The following TENM3 variants were observed in gnomAD, a reference collection of about 807,000 sequenced individuals.
TENM3 encodes teneurin-3.
Under a neutral mutation model 255.1 loss-of-function variants are expected in TENM3, and 63 were observed. The observed-to-expected ratio is 0.25, with a 90% CI of 0.20 to 0.30. TENM3 has a LOEUF of 0.30. Among genes scored for constraint, TENM3 ranks in the 10% least tolerant of loss-of-function variants. The probability of loss-of-function intolerance (pLI) is 1.00; values close to 1 mark genes in which losing one functional copy is unlikely to be tolerated. For missense variants in TENM3, 2,929 were observed against 3,461.1 expected (o/e 0.85, Z 3.86); for synonymous variants, 1,306 against 1,322.3 (o/e 0.99, Z 0.27).
chr4:181,950,030 C>T, the TENM3 span, among the ~76,000 whole-genome samples: 5 of 152,266 alleles, frequency 3.3e-5, no homozygotes, highest in South Asian at 1.0e-3. Flanking sequence ...GTGACTTGCA[C>T]GTATATACGC....
At chr4:181,765,541 A>G in the TENM3 span, among the ~76,000 whole-genome samples, 365 of 152,348 alleles carry the variant, frequency 2.4e-3, 2 homozygotes, top group African/African-American at 8.2e-3. Flanking sequence ...AAAACATAAC[A>G]TAAGATGACC....
the TENM3 span, among the ~76,000 whole-genome samples, chr4:181,809,652 G>A: frequency 3.3e-5 from 5 of 152,124 alleles, no homozygotes; most frequent in South Asian, 4.1e-4. Flanking sequence ...AGTTGTCTGC[G>A]TCCTAATCCC....
At position 182,743,306 on chromosome 4, in the gene TENM3, A is replaced by G; in HGVS notation, c.3516A>G (p.Leu1172=). Residue 1172 remains leucine, a synonymous_variant, in exon 19 of 28, where the codon TTA becomes TTG. Coordinates refer to ENST00000511685, the MANE Select transcript of TENM3 (RefSeq NM_001080477.4). ...SCNGQADGNK[L]LAPVALACGI... is the part of the protein sequence containing the mutation. Reference sequence around the variant, plus strand: ...ATGGTCAAGCTGATGGTAACAAGTTACTGGCCCCAGTGGCGCTAGCTTGTG... The same window carrying G: ...ATGGTCAAGCTGATGGTAACAAGTTGCTGGCCCCAGTGGCGCTAGCTTGTG... 2 of 1,614,024 alleles carry G rather than the reference A, an allele frequency of 1.2e-6. No homozygotes were observed. Among genetic ancestry groups the G allele is most frequent in the Non-Finnish European group, 1.7e-6 (2 of 1,179,884 alleles).
intron 3 of TENM3, among the ~76,000 whole-genome samples, chr4:182,541,811 C>T (rs1740907342): frequency 6.6e-6 from 1 of 152,018 alleles, no homozygotes; most frequent in Non-Finnish European, 1.5e-5. Context: ...GTAATCCCAG[C>T]ATGTTGGGAG....
At chr4:181,977,876 A>C in the TENM3 span, among the ~76,000 whole-genome samples, 3 of 152,306 alleles carry the variant, frequency 2.0e-5, no homozygotes, top group African/African-American at 7.2e-5. Context: ...TCAGAATAGG[A>C]TAACGTTCAC....
chr4:181,888,088 G>A, the TENM3 span, among the ~76,000 whole-genome samples: 1 of 151,936 alleles, frequency 6.6e-6, no homozygotes, highest in Non-Finnish European at 1.5e-5. Context: ...GGAGTGCAGT[G>A]GAATAATCTC....
the TENM3 span, among the ~76,000 whole-genome samples, chr4:181,641,534 T>C: frequency 1.9e-5 from 2 of 106,302 alleles, no homozygotes; most frequent in African/African-American, 3.7e-5. Context: ...TGTGGCTGCA[T>C]AGTATTCCAT....
chr4:182,466,504 T>A (rs1732605574), intron 3 of TENM3, among the ~76,000 whole-genome samples: 1 of 152,104 alleles, frequency 6.6e-6, no homozygotes, highest in Non-Finnish European at 1.5e-5. Context: ...TAATTTTTTT[T>A]ATATTTTTTG....
the TENM3 span, among the ~76,000 whole-genome samples, chr4:181,876,545 T>A: frequency 6.6e-6 from 1 of 152,182 alleles, no homozygotes; most frequent in Non-Finnish European, 1.5e-5. Flanking sequence ...CTAAATCAGA[T>A]CAAGCCATTT....
the TENM3 span, among the ~76,000 whole-genome samples, chr4:181,640,922 C>T: frequency 6.6e-6 from 1 of 152,180 alleles, no homozygotes; most frequent in African/African-American, 2.4e-5. Context: ...GAAACCATAA[C>T]ACTGAGCCCC....
chr4:182,221,438 A>C (rs1755847031), intron 1 of TENM3, among the ~76,000 whole-genome samples: 1 of 152,254 alleles, frequency 6.6e-6, no homozygotes, highest in South Asian at 2.1e-4. Flanking sequence ...TAAAGTGGCC[A>C]CTACCCAAAA....
At chr4:182,376,581 T>A (rs1474239271) in intron 3 of TENM3, among the ~76,000 whole-genome samples, 1 of 152,198 alleles carries the variant, frequency 6.6e-6, no homozygotes, top group African/African-American at 2.4e-5. Flanking sequence ...AAATACAGAT[T>A]TAGACATCAG....
intron 3 of TENM3, among the ~76,000 whole-genome samples, chr4:182,445,129 G>A (rs1348012197): frequency 6.6e-6 from 1 of 152,106 alleles, no homozygotes; most frequent in African/African-American, 2.4e-5. Flanking sequence ...TTTAACTATT[G>A]AGTCAATACT....
intron 12 of TENM3, 100 bp downstream of exon 12, chr4:182,688,451 T>G (rs1424801405): frequency 1.1e-6 from 1 of 929,078 alleles, no homozygotes; most frequent in Non-Finnish European, 1.5e-6. Flanking sequence ...CTTTACGTTA[T>G]TTTTTACTTG....
chr4:182,716,516 A>G (rs1759189043), intron 13 of TENM3, among the ~76,000 whole-genome samples: 1 of 152,156 alleles, frequency 6.6e-6, no homozygotes, highest in African/African-American at 2.4e-5. Flanking sequence ...TCCTGCCTCT[A>G]ACCTAATTTT....
chr4:181,478,430 C>T, the TENM3 span, among the ~76,000 whole-genome samples: 1 of 152,158 alleles, frequency 6.6e-6, no homozygotes, highest in African/African-American at 2.4e-5. Context: ...CCTAGGAACT[C>T]GATCACGCTC....
At chr4:181,490,182 T>C in the TENM3 span, among the ~76,000 whole-genome samples, 1 of 152,222 alleles carries the variant, frequency 6.6e-6, no homozygotes, top group African/African-American at 2.4e-5. Flanking sequence ...CTAATTTCAC[T>C]CTTTTCGTTA....
intron 3 of TENM3, among the ~76,000 whole-genome samples, chr4:182,586,167 G>A (rs1560963384): frequency 6.6e-6 from 1 of 152,294 alleles, no homozygotes; most frequent in East Asian, 1.9e-4. Context: ...TGAGGTGGGA[G>A]GATTCCTTGA....
chr4:181,787,805 T>C, the TENM3 span, among the ~76,000 whole-genome samples: 45 of 152,244 alleles, frequency 3.0e-4, no homozygotes, highest in Non-Finnish European at 5.0e-4. Flanking sequence ...TTCCATGTGT[T>C]GATTTGTCTT....
Sources: gnomAD v4.1 joint callset for allele counts (sites outside exome capture counted in the v4.1 genomes callset) on GRCh38, gnomAD v4.1.1 for gene constraint, MANE v1.5 for transcripts, NCBI Gene and HGNC (gene_info 2026-07-23, HGNC 2026-07-21) for gene names.